Variants in SLC25A30 observed in about 807,000 individuals in gnomAD.
The protein encoded by SLC25A30 is kidney mitochondrial carrier protein 1.
Under a neutral mutation model 42.7 loss-of-function variants are expected in SLC25A30, and 29 were observed. The ratio of observed to expected loss-of-function variants is 0.68; its 90% CI spans 0.51 to 0.93. SLC25A30 has a LOEUF of 0.93. Ranked by LOEUF, SLC25A30 falls within the 40% of genes least tolerant of loss-of-function variation. The pLI is 0.00. For missense variants in SLC25A30, 300 were observed against 359.7 expected (o/e 0.83, Z 1.34); for synonymous variants, 124 against 131.0 (o/e 0.95, Z 0.37).
Position 45,395,258 on chromosome 13 carries a change from T to C in SLC25A30, c.*716A>G. 1.0e-6 allele frequency: 1 copy of C among 985,610 alleles called. No individual in the cohort carries two copies. Among genetic ancestry groups the C allele is most frequent in the Non-Finnish European group, 1.2e-6 (1 of 830,084 alleles). The allele number at this position is 985,610 out of a possible 1,614,324, so 61.1% of individuals were successfully genotyped here. ...TGACCTAAGACAGAACCTAAGCTGC[T>C]TGAAAACACCCCCCACCAATACAGA... On this transcript the variant is annotated 3_prime_UTR_variant, in exon 10 of 10. Coordinates refer to ENST00000519676, the MANE Select transcript of SLC25A30 (RefSeq NM_001010875.4).
upstream of SLC25A30, among the ~76,000 whole-genome samples, chr13:45,420,677 C>T (rs1325608645): frequency 1.3e-5 from 2 of 152,036 alleles, no homozygotes; most frequent in Non-Finnish European, 2.9e-5. Flanking sequence ...TATGAAGATC[C>T]CTTTGTGGGT....
At chr13:45,423,757 T>TAAATATATAA in the SLC25A30 span, among the ~76,000 whole-genome samples, 19 of 74,918 alleles carry the variant, frequency 2.5e-4, 2 homozygotes, top group Middle Eastern at 0.036. Context: ...TAAATATATA[T>TAAATATATAA]AAATATATAA....
the SLC25A30 span, among the ~76,000 whole-genome samples, chr13:45,425,101 A>T: frequency 7.8e-4 from 7 of 9,018 alleles, no homozygotes; most frequent in East Asian, 3.0e-3. Context: ...TATATTTATA[A>T]ATATATAAAT....
At chr13:45,425,428 A>G in the SLC25A30 span, among the ~76,000 whole-genome samples, 1 of 112,964 alleles carries the variant, frequency 8.9e-6, no homozygotes. Flanking sequence ...AAGTATATAT[A>G]AATATATGTA....
At chr13:45,405,153 G>A (rs1882379462) in intron 4 of SLC25A30, among the ~76,000 whole-genome samples, 1 of 152,056 alleles carries the variant, frequency 6.6e-6, no homozygotes, top group Non-Finnish European at 1.5e-5. Flanking sequence ...GGAGCTTCTG[G>A]GCTCAAGTGA....
chr13:45,409,966 G>A (rs951201857), intron 2 of SLC25A30, among the ~76,000 whole-genome samples: 1 of 152,214 alleles, frequency 6.6e-6, no homozygotes, highest in Admixed American at 6.5e-5. Flanking sequence ...CTAAGCTGGT[G>A]AGTGGGTGGT....
chr13:45,401,339 G>A (rs939181966), intron 6 of SLC25A30, 132 bp from the exon 7 acceptor site: 1 of 878,348 alleles, frequency 1.1e-6, no homozygotes. Flanking sequence ...CAGAAATGTA[G>A]AGTGACAGAG....
At chr13:45,407,543 A>G (rs901969431) in intron 3 of SLC25A30, among the ~76,000 whole-genome samples, 2 of 152,170 alleles carry the variant, frequency 1.3e-5, no homozygotes, top group East Asian at 3.8e-4. Flanking sequence ...TGGGTGACAA[A>G]GCAAGACCCT....
chr13:45,423,669 A>AAATATATATAAAATATATATATAAAT, the SLC25A30 span, among the ~76,000 whole-genome samples: 56 of 24,306 alleles, frequency 2.3e-3, 4 homozygotes, highest in African/African-American at 0.011. Flanking sequence ...ATATATATAA[A>AAATATATATAAAATATATATATAAAT]ATACATATTT....
intron 5 of SLC25A30, 83 bp downstream of exon 5, chr13:45,404,244 C>T (rs1882282020): frequency 8.5e-6 from 8 of 944,124 alleles, no homozygotes; most frequent in Non-Finnish European, 1.4e-5. Context: ...ACAGATGTTA[C>T]ATTCACAGAT....
chr13:45,407,805 A>T (rs1051580927), intron 3 of SLC25A30, among the ~76,000 whole-genome samples: 4 of 152,184 alleles, frequency 2.6e-5, no homozygotes, highest in African/African-American at 9.7e-5. Flanking sequence ...CAATTGAGAC[A>T]TTAGTCTTGG....
chr13:45,399,798 T>C (rs1476612252), intron 7 of SLC25A30, among the ~76,000 whole-genome samples: 5 of 151,952 alleles, frequency 3.3e-5, no homozygotes, highest in African/African-American at 1.2e-4. Context: ...ATCTCCTTAC[T>C]ATAATGCCCC....
chr13:45,430,464 A>C, the SLC25A30 span, among the ~76,000 whole-genome samples: 1 of 152,188 alleles, frequency 6.6e-6, no homozygotes, highest in South Asian at 2.1e-4. Context: ...AGGATGAAGC[A>C]GATAACTGTT....
chr13:45,425,573 A>AC, the SLC25A30 span, among the ~76,000 whole-genome samples: 1 of 74,268 alleles, frequency 1.3e-5, no homozygotes, highest in African/African-American at 5.5e-5. Context: ...AATATATATA[A>AC]GTATATATAT....
At chr13:45,416,063 G>T (rs937869560) in intron 1 of SLC25A30, among the ~76,000 whole-genome samples, 39 of 151,178 alleles carry the variant, frequency 2.6e-4, no homozygotes, top group Non-Finnish European at 5.3e-4. Flanking sequence ...CTCCCAAAGT[G>T]CTGGGATTAT....
At chr13:45,396,067 G>A (rs781541214) in intron 9 of SLC25A30, 52 bp from the exon 10 acceptor site, 12 of 1,613,978 alleles carry the variant, frequency 7.4e-6, no homozygotes, top group Non-Finnish European at 1.0e-5. Context: ...CACAACTCCA[G>A]TGCATAACAA....
chr13:45,405,809 G>T, intron 4 of SLC25A30, 74 bp downstream of exon 4: 1 of 1,392,504 alleles, frequency 7.2e-7, no homozygotes, highest in Non-Finnish European at 1.0e-6. Flanking sequence ...AAGAAAACCT[G>T]CTCCAAAACC....
the SLC25A30 span, among the ~76,000 whole-genome samples, chr13:45,424,550 T>TAAATATATAAATATATAAA: frequency 1.4e-5 from 1 of 69,584 alleles, no homozygotes; most frequent in African/African-American, 5.9e-5. Flanking sequence ...TATAAATATA[T>TAAATATATAAATATATAAA]AAATATATAT....
chr13:45,408,957 C>T lies in SLC25A30; in HGVS notation c.182G>A (p.Arg61Lys). 1 of 1,611,550 alleles carries T rather than the reference C, an allele frequency of 6.2e-7. No individual in the cohort carries two copies. Among genetic ancestry groups the T allele is most frequent in the East Asian group, 2.2e-5 (1 of 44,820 alleles). Reference sequence around the variant, plus strand: ...GTAGAGTGCTTTCAGCCCTTCTTCTCTGCCTATCCTCACTAATGCGTGCAA... The same window carrying T: ...GTAGAGTGCTTTCAGCCCTTCTTCTTTGCCTATCCTCACTAATGCGTGCAA... ...GMLHALVRIG[R>K]EEGLKALYSG... The change falls in exon 3 of 10, where the codon AGA (arginine) becomes AAA (lysine). Residue 61 changes from arginine (R) to lysine (K), a missense_variant. Transcript: ENST00000519676.
Sources: allele counts gnomAD v4.1 joint callset (sites outside exome capture counted in the v4.1 genomes callset), GRCh38; gene constraint gnomAD v4.1.1; transcripts MANE v1.5; gene names NCBI Gene and HGNC (gene_info 2026-07-23, HGNC 2026-07-21).